TMEM160: variants seen among roughly 807,000 people sequenced by gnomAD.
The protein encoded by TMEM160 is transmembrane protein 160.
Under a neutral mutation model 13.9 loss-of-function variants are expected in TMEM160, and 10 were observed. The ratio of observed to expected loss-of-function variants is 0.72; its 90% CI spans 0.45 to 1.22. The LOEUF (loss-of-function observed/expected upper bound fraction) is 1.22, where lower values mean the gene tolerates loss of function less well. Ranked by LOEUF, TMEM160 falls within the 50% of genes most tolerant of loss-of-function variation. The pLI, the probability that TMEM160 is intolerant of heterozygous loss-of-function variation, is 0.00. For synonymous variants in TMEM160, 159 were observed against 134.8 expected (o/e 1.18, Z -1.25); for missense variants, 287 against 283.2 (o/e 1.01, Z -0.10).
Position 47,048,394 on chromosome 19 carries a change from C to G in TMEM160, c.208+13G>C, listed in dbSNP as rs767007979. 3 of 1,492,544 alleles carry G rather than the reference C, an allele frequency of 2.0e-6. No individual in the cohort carries two copies. Among genetic ancestry groups the G allele is most frequent in the South Asian group, 2.5e-5 (2 of 80,386 alleles). 92.5% of individuals were successfully genotyped at this position (1,492,544 alleles called of 1,614,324 possible). A position where few individuals can be genotyped will look rare whatever the true frequency, so the allele number is the denominator to read the frequency against. ...CCGTCCCATCCGCACCGCCCCCACC[C>G]CTAGCCACCGACCTGTCTCGTGCGC... On this transcript the variant is annotated intron_variant, in intron 1 of 2. Coordinates refer to ENST00000253047, the MANE Select transcript of TMEM160 (RefSeq NM_017854.2).
Position 47,046,651 on chromosome 19 carries a change from T to C in TMEM160, c.243A>G (p.Ala81=). 2 of 1,611,436 alleles carry C rather than the reference T, an allele frequency of 1.2e-6. No homozygotes were observed. The highest frequency in any genetic ancestry group is 2.7e-5 in the African/African-American group (2 of 74,100). ...FLSWFRNGLL[A]SGIGVISFMQ... is the part of the protein sequence containing the mutation. ...TGAAGGAGATGACCCCGATGCCCGA[T>C]GCCAGGAGGCCATTGCGGAACCAGG... The change falls in exon 2 of 3, where the codon GCA becomes GCG. Residue 81 remains alanine (A), a synonymous_variant. Transcript: ENST00000253047.
intron 1 of TMEM160, chr19:47,047,505 G>C: frequency 1.0e-6 from 1 of 985,120 alleles, no homozygotes; most frequent in Non-Finnish European, 1.2e-6. Flanking sequence ...TCCCACCCAC[G>C]TCCGTCCCCA....
At chr19:47,047,511 C>T (rs1303519946) in intron 1 of TMEM160, 1 of 985,346 alleles carries the variant, frequency 1.0e-6, no homozygotes, top group African/African-American at 1.7e-5. Context: ...CCACGTCCGT[C>T]CCCATTCACG....
At chr19:47,046,385 G>C (rs2057080037) in intron 2 of TMEM160, 133 bp from the exon 3 acceptor site, 8 of 1,206,380 alleles carry the variant, frequency 6.6e-6, no homozygotes, top group Non-Finnish European at 9.1e-6. Context: ...TCAGATCGGA[G>C]GGGAGGGGAC....
intron 1 of TMEM160, chr19:47,047,839 C>T (rs2057089003): frequency 1.0e-6 from 1 of 954,658 alleles, no homozygotes; most frequent in African/African-American, 1.8e-5. Context: ...GAGCAAGACA[C>T]CGTCATTAAA....
Position 47,046,027 on chromosome 19 carries a change from G to T in TMEM160, c.527C>A (p.Ala176Glu). The T allele has an allele frequency of 6.5e-7, 1 of 1,549,590 alleles. No homozygotes were observed. The highest frequency in any genetic ancestry group is 8.7e-7 in the Non-Finnish European group (1 of 1,154,956). Residue 176 changes from alanine (A) to glutamate (E), a missense_variant, in exon 3 of 3, where the codon GCG (alanine) becomes GAG (glutamate). Coordinates refer to ENST00000253047, the MANE Select transcript of TMEM160 (RefSeq NM_017854.2). ...CCGACCCGCCTCATCAGGGCCTTCC[G>T]CGGAGGCCGTCCCGTCGTCCTCGGG... ...LVPEDDGTAS[A>E]EGPDEAGRPP...
chr19:47,048,367 C>T, intron 1 of TMEM160, 40 bp downstream of exon 1: 1 of 1,449,626 alleles, frequency 6.9e-7, no homozygotes, highest in African/African-American at 1.5e-5. Context: ...AGCCCGGGAC[C>T]CCCGTCCCAT....
Position 47,046,130 on chromosome 19 carries a change from C to T in TMEM160, c.424G>A (p.Val142Met). 6 of 1,489,206 alleles carry T rather than the reference C, an allele frequency of 4.0e-6. No individual in the cohort carries two copies. Among genetic ancestry groups the T allele is most frequent in the Non-Finnish European group, 5.3e-6 (6 of 1,127,720 alleles). 92.2% of individuals were successfully genotyped at this position (1,489,206 alleles called of 1,614,324 possible). ...LGGAAVGAGA[V>M]LAASLLWACA... ...GCCCAGAGCAGGCTGGCGGCCAGCA[C>T]GGCGCCCGCGCCCACGGCCGCGCCC... Residue 142 changes from valine (V) to methionine (M), a missense_variant, in exon 3 of 3, where the codon GTG (valine) becomes ATG (methionine). Transcript: ENST00000253047.
At chr19:47,048,361 C>T (rs905117794) in intron 1 of TMEM160, 46 bp downstream of exon 1, 13 of 1,423,070 alleles carry the variant, frequency 9.1e-6, no homozygotes, top group Non-Finnish European at 1.2e-5. Context: ...CACGCGAGCC[C>T]GGGACCCCCG....
chr19:47,047,756 G>A lies in TMEM160; in HGVS notation c.208+651C>T, dbSNP rs551363382. 6 of 565,422 alleles carry A rather than the reference G, an allele frequency of 1.1e-5. No individual in the cohort carries two copies. In the Admixed American group the frequency reaches 2.5e-4, roughly 24 times the overall value. 35.0% of individuals were successfully genotyped at this position (565,422 alleles called of 1,614,324 possible). A position where few individuals can be genotyped will look rare whatever the true frequency, so the allele number is the denominator to read the frequency against. On this transcript the variant is annotated intron_variant, in intron 1 of 2. Coordinates refer to ENST00000253047, the MANE Select transcript of TMEM160 (RefSeq NM_017854.2). ...AGCTAAGCAGGAGGCTGAGGCAAGAGGATAGCTTGAGCCCAGGAGTTCAAG... is the reference window on the plus strand; with the variant it reads ...AGCTAAGCAGGAGGCTGAGGCAAGAAGATAGCTTGAGCCCAGGAGTTCAAG...
intron 2 of TMEM160, among the ~76,000 whole-genome samples, 156 bp downstream of exon 2, chr19:47,046,437 C>A (rs993728660): frequency 6.6e-6 from 1 of 152,032 alleles, no homozygotes; most frequent in South Asian, 2.1e-4. Context: ...GGACCTAGTG[C>A]CTATGGGAGG....
At position 47,048,370 on chromosome 19, in the gene TMEM160, C is replaced by G. The variant is rs755535885; in HGVS notation, c.208+37G>C. The stretch of plus-strand genomic sequence containing the variant: ...AGGTCCCACGCGAGCCCGGGACCCC[C>G]GTCCCATCCGCACCGCCCCCACCCC... On this transcript the variant is annotated intron_variant, in intron 1 of 2. Coordinates refer to ENST00000253047, the MANE Select transcript of TMEM160 (RefSeq NM_017854.2). The G allele has an allele frequency of 2.1e-6, 3 of 1,456,128 alleles. 1 individual carries two copies. Among genetic ancestry groups the G allele is most frequent in the South Asian group, 2.6e-5 (2 of 78,098 alleles). 90.2% of individuals were successfully genotyped at this position (1,456,128 alleles called of 1,614,324 possible).
Position 47,048,522 on chromosome 19 carries a change from C to T in TMEM160, c.93G>A (p.Gly31=). ...CGGGGGCGAAGGACCCCCGGGCGCCCCCGCTCCGGGGCCGCTGAGGCGGCA... is the reference window on the plus strand; with the variant it reads ...CGGGGGCGAAGGACCCCCGGGCGCCTCCGCTCCGGGGCCGCTGAGGCGGCA... The part of the protein sequence containing the change: ...SLLPPQRPRS[G]GARGSFAPGH... The change falls in exon 1 of 3, where the codon GGG becomes GGA. Residue 31 remains glycine (G), a synonymous_variant. Coordinates refer to ENST00000253047, the MANE Select transcript of TMEM160 (RefSeq NM_017854.2). The T allele has an allele frequency of 1.3e-6, 2 of 1,483,138 alleles. No individual in the cohort carries two copies. Among genetic ancestry groups the T allele is most frequent in the South Asian group, 1.3e-5 (1 of 79,160 alleles). The allele number at this position is 1,483,138 out of a possible 1,614,324, so 91.9% of individuals were successfully genotyped here.
intron 1 of TMEM160, 47 bp downstream of exon 1, chr19:47,048,360 C>A: frequency 7.0e-7 from 1 of 1,421,068 alleles, no homozygotes; most frequent in Non-Finnish European, 9.3e-7. Context: ...CCACGCGAGC[C>A]CGGGACCCCC....
chr19:47,047,594 T>A, intron 1 of TMEM160: 1 of 984,790 alleles, frequency 1.0e-6, no homozygotes, highest in Non-Finnish European at 1.2e-6. Flanking sequence ...CTCACACCTA[T>A]AATCCCAGCA....
chr19:47,048,400 C>T lies in TMEM160; in HGVS notation c.208+7G>A, dbSNP rs777499917. ...CATCCGCACCGCCCCCACCCCTAGC[C>T]ACCGACCTGTCTCGTGCGCTTTTCG... On this transcript the variant is annotated splice_region_variant and intron_variant, in intron 1 of 2. Coordinates refer to ENST00000253047, the MANE Select transcript of TMEM160 (RefSeq NM_017854.2). 7.4e-6 allele frequency: 11 copies of T among 1,492,496 alleles called. No homozygotes were observed. Among genetic ancestry groups the T allele is most frequent in the Non-Finnish European group, 8.8e-6 (10 of 1,130,176 alleles). 92.5% of individuals were successfully genotyped at this position (1,492,496 alleles called of 1,614,324 possible).
intron 1 of TMEM160, 64 bp from the exon 2 acceptor site, chr19:47,046,749 A>G (rs2122578536): frequency 8.2e-7 from 1 of 1,224,848 alleles, no homozygotes. Context: ...AATCCCCCTT[A>G]CCCAGTCAAA....
At position 47,046,506 on chromosome 19, in the gene TMEM160, G is replaced by A. The variant is rs570301672; in HGVS notation, c.301+87C>T. On this transcript the variant is annotated intron_variant, in intron 2 of 2. Coordinates refer to ENST00000253047, the MANE Select transcript of TMEM160 (RefSeq NM_017854.2). Reference sequence around the variant, plus strand: ...ATACTTACTACTGGGAGTGGGATGGGGTAGGAGAGTCTACTCTCACCAGGG... The same window carrying A: ...ATACTTACTACTGGGAGTGGGATGGAGTAGGAGAGTCTACTCTCACCAGGG... 11 of 1,162,402 alleles carry A rather than the reference G, an allele frequency of 9.5e-6. No individual in the cohort carries two copies. In the East Asian group the frequency reaches 2.3e-4, roughly 25 times the overall value. 72.0% of individuals were successfully genotyped at this position (1,162,402 alleles called of 1,614,324 possible).
At chr19:47,047,701 T>C in intron 1 of TMEM160, 1 of 623,226 alleles carries the variant, frequency 1.6e-6, no homozygotes, top group Non-Finnish European at 2.0e-6. Context: ...ATTAAAATAG[T>C]TGGGTGCGGT....
Sources: allele counts gnomAD v4.1 joint callset (sites outside exome capture counted in the v4.1 genomes callset), GRCh38; gene constraint gnomAD v4.1.1; transcripts MANE v1.5; gene names NCBI Gene and HGNC (gene_info 2026-07-23, HGNC 2026-07-21).